The following SLC8A3 variants were observed in gnomAD, a reference collection of about 807,000 sequenced individuals.
SLC8A3 encodes sodium/calcium exchanger 3.
Under a neutral mutation model 65.4 loss-of-function variants are expected in SLC8A3, and 37 were observed. That is an observed-to-expected ratio of 0.57 (90% CI 0.44 to 0.74). The LOEUF (loss-of-function observed/expected upper bound fraction) is 0.74, where lower values mean the gene tolerates loss of function less well. Ranked by LOEUF, SLC8A3 falls within the 30% of genes least tolerant of loss-of-function variation. The probability of loss-of-function intolerance (pLI) is 0.00; values close to 1 mark genes in which losing one functional copy is unlikely to be tolerated. For synonymous variants in SLC8A3, 461 were observed against 444.5 expected, an observed-to-expected ratio of 1.04 and a Z score of -0.47; for missense variants, 1,112 against 1,172.1, an observed-to-expected ratio of 0.95 and a Z score of 0.75.
At chr14:70,105,990 G>A (rs1175477452) in intron 2 of SLC8A3, among the ~76,000 whole-genome samples, 4 of 152,030 alleles carry the variant, frequency 2.6e-5, no homozygotes, top group African/African-American at 9.7e-5. Context: ...AAAGCAAAAC[G>A]ATATGATCAT....
intron 2 of SLC8A3, among the ~76,000 whole-genome samples, chr14:70,143,541 C>A (rs1474188896): frequency 1.3e-5 from 2 of 152,082 alleles, no homozygotes; most frequent in African/African-American, 2.4e-5. Context: ...AGTGCTTAAA[C>A]AATATACTGA....
At chr14:70,182,794 T>C (rs1038379952) in intron 1 of SLC8A3, among the ~76,000 whole-genome samples, 1 of 152,026 alleles carries the variant, frequency 6.6e-6, no homozygotes, top group African/African-American at 2.4e-5. Flanking sequence ...CTTTTTAAGA[T>C]GGAGTTTGTG....
At chr14:70,180,113 C>T (rs559388375) in intron 1 of SLC8A3, among the ~76,000 whole-genome samples, 5 of 152,316 alleles carry the variant, frequency 3.3e-5, no homozygotes, top group African/African-American at 1.2e-4. Flanking sequence ...ACCACCTGGG[C>T]TCTATCTTCT....
chr14:70,077,238 G>A (rs188343435), intron 2 of SLC8A3, among the ~76,000 whole-genome samples: 3 of 152,246 alleles, frequency 2.0e-5, no homozygotes, highest in East Asian at 3.9e-4. Flanking sequence ...TCTGAATTCC[G>A]TGGTCTGGTC....
At chr14:70,081,194 T>G (rs115581228) in intron 2 of SLC8A3, among the ~76,000 whole-genome samples, 1 of 152,004 alleles carries the variant, frequency 6.6e-6, no homozygotes, top group Admixed American at 6.6e-5. Context: ...GAAGAGAGGG[T>G]CCTAGGCAGC....
intron 2 of SLC8A3, among the ~76,000 whole-genome samples, chr14:70,079,041 CA>C (rs1341131180): frequency 6.6e-6 from 1 of 152,108 alleles, no homozygotes; most frequent in Non-Finnish European, 1.5e-5. Context: ...GTACATGTTA[CA>C]GTTGTAAAGA....
rs762736424 is a variant in SLC8A3 at position 70,046,072 on chromosome 14, G to C, written c.2641C>G (p.Leu881Val). 6 of 1,614,124 alleles carry C rather than the reference G, an allele frequency of 3.7e-6. No homozygotes were observed. In the Admixed American group the frequency reaches 5.0e-5, roughly 13 times the overall value. ...CGGGGGCCACCAAGCTCCCCTCCCAGGTGCGGCCGCCTTCGGTACAAGAGC... is the reference window on the plus strand; with the variant it reads ...CGGGGGCCACCAAGCTCCCCTCCCACGTGCGGCCGCCTTCGGTACAAGAGC... ...SVLLYRRRPH[L>V]GGELGGPRGC... The change falls in exon 7 of 7, where the codon CTG (leucine) becomes GTG (valine). Residue 881 changes from leucine to valine, a missense_variant. Transcript: ENST00000356921. This position sits in a 1 kb window ranked among gnomAD's most constrained non-coding sequence, Gnocchi z 4.2.
intron 2 of SLC8A3, chr14:70,080,072 T>C (rs1360121253): frequency 1.0e-6 from 1 of 984,994 alleles, no homozygotes; most frequent in East Asian, 1.1e-4. Flanking sequence ...CAGCAAGTGA[T>C]GGTTCCCTTT....
intron 5 of SLC8A3, among the ~76,000 whole-genome samples, chr14:70,050,272 A>T (rs530891838): frequency 3.0e-4 from 45 of 152,326 alleles, no homozygotes; most frequent in Admixed American, 2.6e-3. Context: ...CAGCAGCAGC[A>T]GCAAACCTCT....
intron 1 of SLC8A3, among the ~76,000 whole-genome samples, chr14:70,170,706 T>A (rs965907794): frequency 6.6e-6 from 1 of 152,180 alleles, no homozygotes; most frequent in African/African-American, 2.4e-5. Flanking sequence ...AAAGAGAAAT[T>A]CTCTTCGGGA....
chr14:70,135,266 AG>A (rs754345895), intron 2 of SLC8A3, among the ~76,000 whole-genome samples: 4 of 152,238 alleles, frequency 2.6e-5, no homozygotes, highest in Non-Finnish European at 4.4e-5. Context: ...ATGTGGAGAA[AG>A]GAGATGACCA....
At chr14:70,187,842 T>C (rs996547669) in intron 1 of SLC8A3, among the ~76,000 whole-genome samples, 12 of 151,994 alleles carry the variant, frequency 7.9e-5, no homozygotes, top group Non-Finnish European at 1.5e-5. Context: ...AGTCCCGAGA[T>C]TGGGGTGAGC....
intron 3 of SLC8A3, 181 bp downstream of exon 3, chr14:70,060,655 A>G (rs1279233648): frequency 2.7e-6 from 2 of 738,848 alleles, no homozygotes; most frequent in South Asian, 1.4e-5. Context: ...ACAGGGTGAG[A>G]GCGAGAATAC....
At chr14:70,158,552 G>A (rs1250833884) in intron 2 of SLC8A3, among the ~76,000 whole-genome samples, 1 of 152,124 alleles carries the variant, frequency 6.6e-6, no homozygotes, top group Non-Finnish European at 1.5e-5. Flanking sequence ...CTACAATAGA[G>A]TGGTTTCTAT....
intron 2 of SLC8A3, among the ~76,000 whole-genome samples, chr14:70,102,399 G>A (rs80159776): frequency 0.039 from 5,887 of 152,216 alleles, 164 homozygotes; most frequent in Middle Eastern, 0.085. Context: ...TAATGTAATT[G>A]ATACTGTTTA....
chr14:70,187,643 G>GTTTC (rs1883425860), intron 1 of SLC8A3, among the ~76,000 whole-genome samples: 1 of 143,262 alleles, frequency 7.0e-6, no homozygotes, highest in Non-Finnish European at 1.5e-5. Context: ...GTGTGTGTCC[G>GTTTC]CGCGCGCGTG....
chr14:70,046,105 T>G lies in SLC8A3; in HGVS notation c.2608A>C (p.Ile870Leu). Residue 870 changes from isoleucine (I) to leucine (L), a missense_variant, in exon 7 of 7, where the codon ATC becomes CTC. Ile to Leu is a conservative substitution (Grantham distance 5). Transcript: ENST00000356921. The surrounding 1 kb of genome is among the most constrained non-coding windows in gnomAD (Gnocchi z 4.2). ...CGCCTTCGGTACAAGAGCACGCTGATGCAGACAAATGCAAAGATGGTGAAG... is the reference window on the plus strand; with the variant it reads ...CGCCTTCGGTACAAGAGCACGCTGAGGCAGACAAATGCAAAGATGGTGAAG... ...TLFTIFAFVCISVLLYRRRPH... is the reference protein window; with the variant it reads ...TLFTIFAFVCLSVLLYRRRPH... 8 of 1,614,162 alleles carry G rather than the reference T, an allele frequency of 5.0e-6. No homozygotes were observed. Among genetic ancestry groups the G allele is most frequent in the Non-Finnish European group, 6.8e-6 (8 of 1,179,990 alleles).
chr14:70,135,162 G>A (rs1030885613), intron 2 of SLC8A3, among the ~76,000 whole-genome samples: 4 of 152,124 alleles, frequency 2.6e-5, no homozygotes, highest in African/African-American at 9.7e-5. Flanking sequence ...CTAATTATAA[G>A]GGAAATGCAA....
chr14:70,142,109 A>C (rs909947032), intron 2 of SLC8A3, among the ~76,000 whole-genome samples: 3 of 152,230 alleles, frequency 2.0e-5, no homozygotes, highest in Admixed American at 6.5e-5. Context: ...GAGAAATCAG[A>C]AGGGTGAGAC....
Sources: gnomAD v4.1 joint callset for allele counts (sites outside exome capture counted in the v4.1 genomes callset) on GRCh38, gnomAD v4.1.1 for gene constraint, Gnocchi (gnomAD v3.1) non-coding constraint, MANE v1.5 for transcripts, NCBI Gene and HGNC (gene_info 2026-07-23, HGNC 2026-07-21) for gene names.